Variants in SLC16A10 observed in about 807,000 individuals in gnomAD.
SLC16A10 encodes solute carrier family 16 member 10.
SLC16A10 carries 27 observed loss-of-function variants against 40.0 expected under a neutral mutation model. That is an observed-to-expected ratio of 0.67 (90% confidence interval 0.50 to 0.93). The LOEUF (loss-of-function observed/expected upper bound fraction) is 0.93, where lower values mean the gene tolerates loss of function less well. Ranked by LOEUF, SLC16A10 falls within the 40% of genes least tolerant of loss-of-function variation. SLC16A10 has a pLI of 0.00. For missense variants in SLC16A10, 529 were observed against 658.2 expected, an observed-to-expected ratio of 0.80 and a Z score of 2.15; for synonymous variants, 213 against 249.8, an observed-to-expected ratio of 0.85 and a Z score of 1.39.
At chr6:111,154,648 A>G (rs1011846994) in intron 1 of SLC16A10, among the ~76,000 whole-genome samples, 1 of 152,296 alleles carries the variant, frequency 6.6e-6, no homozygotes, top group Non-Finnish European at 1.5e-5. Context: ...GGATTTTATC[A>G]GGCAGTTTCT....
intron 1 of SLC16A10, among the ~76,000 whole-genome samples, chr6:111,131,844 G>A (rs1433147649): frequency 5.9e-5 from 9 of 152,308 alleles, no homozygotes; most frequent in South Asian, 2.1e-4. Flanking sequence ...TCAGCCATGC[G>A]TGCACCCCTA....
chr6:111,151,343 G>A (rs767344030), intron 1 of SLC16A10, among the ~76,000 whole-genome samples: 1 of 152,102 alleles, frequency 6.6e-6, no homozygotes, highest in Non-Finnish European at 1.5e-5. Flanking sequence ...CTCTGCATCT[G>A]TCTTCCCCTC....
intron 1 of SLC16A10, among the ~76,000 whole-genome samples, chr6:111,157,953 G>A (rs1034163902): frequency 1.3e-5 from 2 of 150,900 alleles, no homozygotes; most frequent in African/African-American, 2.4e-5. Context: ...TCCTAGTTGC[G>A]AATGTTGACT....
chr6:111,194,020 A>G (rs1773039247), intron 3 of SLC16A10, among the ~76,000 whole-genome samples: 1 of 152,178 alleles, frequency 6.6e-6, no homozygotes, highest in Non-Finnish European at 1.5e-5. Context: ...TGAACACTCC[A>G]CAAGGGTAGG....
Position 111,221,986 on chromosome 6 carries a change from G to A in SLC16A10, c.1316-17G>A. The A allele has an allele frequency of 6.3e-7, 1 of 1,593,884 alleles. No homozygotes were observed. The stretch of plus-strand genomic sequence containing the variant: ...CCACACTTGTTCTCCCTTGGTGACA[G>A]CTTTTTCCCTTCTCAGGGTTACTTC... On this transcript the variant is annotated splice_polypyrimidine_tract_variant and intron_variant, in intron 5 of 5. Coordinates refer to ENST00000368851, the MANE Select transcript of SLC16A10 (RefSeq NM_018593.5).
At chr6:111,126,549 T>C (rs760686636) in intron 1 of SLC16A10, among the ~76,000 whole-genome samples, 65 of 152,194 alleles carry the variant, frequency 4.3e-4, no homozygotes, top group Non-Finnish European at 8.2e-4. Flanking sequence ...CTTTATTGCT[T>C]ACCACGTTTC....
intron 1 of SLC16A10, among the ~76,000 whole-genome samples, chr6:111,153,367 T>C (rs1459889397): frequency 3.9e-5 from 6 of 152,004 alleles, no homozygotes; most frequent in Non-Finnish European, 7.4e-5. Context: ...AAACCCTGCC[T>C]CTACAAAAAA....
chr6:111,099,042 T>G (rs1771126307), intron 1 of SLC16A10, among the ~76,000 whole-genome samples: 1 of 152,228 alleles, frequency 6.6e-6, no homozygotes, highest in African/African-American at 2.4e-5. Flanking sequence ...AGGATCTGAT[T>G]TTTAATAAGA....
At chr6:111,191,587 A>G (rs1300998319) in intron 3 of SLC16A10, among the ~76,000 whole-genome samples, 1 of 152,208 alleles carries the variant, frequency 6.6e-6, no homozygotes, top group Non-Finnish European at 1.5e-5. Flanking sequence ...TCCTTGAGGA[A>G]TTGCCACACT....
At chr6:111,154,810 T>G (rs1772238027) in intron 1 of SLC16A10, among the ~76,000 whole-genome samples, 1 of 152,008 alleles carries the variant, frequency 6.6e-6, no homozygotes, top group Non-Finnish European at 1.5e-5. Flanking sequence ...CTGGCCAACA[T>G]GGAAACCTCG....
intron 3 of SLC16A10, among the ~76,000 whole-genome samples, chr6:111,203,432 G>T (rs1773203550): frequency 1.3e-5 from 2 of 152,240 alleles, no homozygotes; most frequent in South Asian, 4.2e-4. Flanking sequence ...ACAAAATTCG[G>T]TTAAATAATG....
At chr6:111,205,751 T>C (rs1463987167) in intron 3 of SLC16A10, among the ~76,000 whole-genome samples, 1 of 152,272 alleles carries the variant, frequency 6.6e-6, no homozygotes, top group Non-Finnish European at 1.5e-5. Context: ...TTAACTGCTA[T>C]GTTAAACTGC....
intron 1 of SLC16A10, among the ~76,000 whole-genome samples, chr6:111,146,033 G>A (rs538003516): frequency 4.6e-4 from 70 of 152,262 alleles, no homozygotes; most frequent in African/African-American, 1.6e-3. Flanking sequence ...TCCACACAAT[G>A]GGAGATAATT....
chr6:111,100,984 CTCTCTCTCTATATATATA>C (rs1187962370), intron 1 of SLC16A10, among the ~76,000 whole-genome samples: 35 of 103,266 alleles, frequency 3.4e-4, no homozygotes, highest in African/African-American at 1.4e-3. Context: ...CTCTCTCTCT[CTCTCTCTCTATATATATA>C]TATATATATA....
Position 111,087,850 on chromosome 6 carries a change from C to G in SLC16A10, c.98C>G (p.Pro33Arg). 7.0e-7 allele frequency: 1 copy of G among 1,421,376 alleles called. No homozygotes were observed. Among genetic ancestry groups the G allele is most frequent in the Non-Finnish European group, 9.1e-7 (1 of 1,096,046 alleles). 88.0% of individuals were successfully genotyped at this position (1,421,376 alleles called of 1,614,324 possible). A position where few individuals can be genotyped will look rare whatever the true frequency, so the allele number is the denominator to read the frequency against. ...ACGGGGGCCGCTCCGCCGCCCGGCC[C>G]GGGACCCTCGGACAGCCCCGAGGCG... The part of the protein sequence containing the change: ...APTGAAPPPG[P>R]GPSDSPEAAV... Residue 33 changes from proline to arginine, a missense_variant, in exon 1 of 6, where the codon CCG (proline) becomes CGG (arginine). Pro to Arg is a moderately radical substitution (Grantham distance 103). Coordinates refer to ENST00000368851, the MANE Select transcript of SLC16A10 (RefSeq NM_018593.5).
intron 1 of SLC16A10, among the ~76,000 whole-genome samples, chr6:111,153,501 C>CA (rs1034398126): frequency 3.7e-4 from 56 of 151,434 alleles, no homozygotes; most frequent in African/African-American, 1.3e-3. Context: ...TGCCACTACA[C>CA]ACAGCCTGGG....
intron 1 of SLC16A10, among the ~76,000 whole-genome samples, chr6:111,150,273 T>C (rs1267909695): frequency 6.6e-6 from 1 of 152,210 alleles, no homozygotes; most frequent in African/African-American, 2.4e-5. Flanking sequence ...AGTAACGCCC[T>C]TACCAGACAC....
intron 1 of SLC16A10, among the ~76,000 whole-genome samples, chr6:111,120,475 C>T (rs1358381404): frequency 6.6e-6 from 1 of 152,168 alleles, no homozygotes; most frequent in Non-Finnish European, 1.5e-5. Context: ...GTGTGCATCC[C>T]TCCATTCCAG....
intron 1 of SLC16A10, among the ~76,000 whole-genome samples, chr6:111,153,855 A>G (rs1303517551): frequency 6.6e-6 from 1 of 152,192 alleles, no homozygotes; most frequent in Non-Finnish European, 1.5e-5. Context: ...GTATATTTTT[A>G]GGCTTCCTGA....
Sources: allele counts gnomAD v4.1 joint callset (sites outside exome capture counted in the v4.1 genomes callset), GRCh38; gene constraint gnomAD v4.1.1; transcripts MANE v1.5; gene names NCBI Gene and HGNC (gene_info 2026-07-23, HGNC 2026-07-21).